The following FRMD3 variants were observed in gnomAD, a reference collection of about 807,000 sequenced individuals.
The protein encoded by FRMD3 is FERM domain containing 3.
Under a neutral mutation model 70.2 loss-of-function variants are expected in FRMD3, and 33 were observed. The ratio of observed to expected loss-of-function variants is 0.47; its 90% CI spans 0.36 to 0.63. The LOEUF (loss-of-function observed/expected upper bound fraction) is 0.63. Ranked by LOEUF, FRMD3 falls within the 20% of genes least tolerant of loss-of-function variation. FRMD3 has a pLI of 0.00. For missense variants in FRMD3, 632 were observed against 711.4 expected, an observed-to-expected ratio of 0.89 and a Z score of 1.27; for synonymous variants, 279 against 255.9, an observed-to-expected ratio of 1.09 and a Z score of -0.86.
At chr9:83,522,788 C>A (rs371459336) in intron 1 of FRMD3, among the ~76,000 whole-genome samples, 1 of 152,010 alleles carries the variant, frequency 6.6e-6, no homozygotes, top group South Asian at 2.1e-4. Context: ...TGATCTCGAT[C>A]TCCTGACCTC....
At chr9:83,451,122 A>C (rs1240155065) in intron 1 of FRMD3, among the ~76,000 whole-genome samples, 5 of 152,178 alleles carry the variant, frequency 3.3e-5, no homozygotes, top group African/African-American at 4.8e-5. Context: ...ATTTTTCATA[A>C]AGAGTTTTTC....
chr9:83,282,667 G>A (rs35921929), intron 13 of FRMD3, among the ~76,000 whole-genome samples: 5,522 of 152,166 alleles, frequency 0.036, 126 homozygotes, highest in Middle Eastern at 0.075. Flanking sequence ...CTGAAAGGTG[G>A]ATAGTCTTGT....
intron 13 of FRMD3, among the ~76,000 whole-genome samples, chr9:83,248,754 A>G (rs571051263): frequency 6.6e-6 from 1 of 152,316 alleles, no homozygotes; most frequent in East Asian, 1.9e-4. Context: ...CAATATTTAC[A>G]ACATTTAGGT....
In FRMD3 at chr9:83,538,144, G is replaced by C; in HGVS notation, c.88C>G (p.Gln30Glu). 1 of 1,613,608 alleles carries C rather than the reference G, an allele frequency of 6.2e-7. No homozygotes were observed. Among genetic ancestry groups the C allele is most frequent in the Non-Finnish European group, 8.5e-7 (1 of 1,179,794 alleles). Residue 30 changes from glutamine (Q) to glutamate (E), a missense_variant, in exon 1 of 14, where the codon CAG becomes GAG. Physicochemically the swap from Gln to Glu is conservative, Grantham distance 29. This residue lies in a region of FRMD3 where 208 missense variants were observed against 247.7 expected (regional missense o/e 0.84). Transcript: ENST00000304195. The surrounding 1 kb of genome is among the most constrained non-coding windows in gnomAD (Gnocchi z 4.7). ...FRSSSVKSLSQEMRCTIRLLD... is the reference protein window; with the variant it reads ...FRSSSVKSLSEEMRCTIRLLD... The stretch of plus-strand genomic sequence containing the variant: ...AGCCGGATGGTGCATCTCATCTCCT[G>C]GCTGAGCGATTTGACGCTGGAGCTC...
At chr9:83,563,686 A>C in the FRMD3 span, among the ~76,000 whole-genome samples, 1 of 152,180 alleles carries the variant, frequency 6.6e-6, no homozygotes, top group Non-Finnish European at 1.5e-5. Context: ...AGTCCTCTCC[A>C]GCTCACGTAG....
At chr9:83,415,692 C>T (rs902503712) in intron 1 of FRMD3, among the ~76,000 whole-genome samples, 12 of 147,126 alleles carry the variant, frequency 8.2e-5, no homozygotes, top group African/African-American at 2.5e-4. Flanking sequence ...GGTCTCCTGA[C>T]CTTGTGATCC....
chr9:83,432,118 C>A (rs1030591183), intron 1 of FRMD3, among the ~76,000 whole-genome samples: 1 of 152,172 alleles, frequency 6.6e-6, no homozygotes, highest in African/African-American at 2.4e-5. Context: ...CTGCCACACA[C>A]CTGGAAGCAA....
At chr9:83,394,185 C>T (rs1350211839) in intron 1 of FRMD3, among the ~76,000 whole-genome samples, 1 of 152,020 alleles carries the variant, frequency 6.6e-6, no homozygotes, top group African/African-American at 2.4e-5. Context: ...CGTTGGATTG[C>T]TGAACCCCCT....
In FRMD3 at chr9:83,453,967, G is replaced by A. The variant is rs574742134; in HGVS notation, c.148-64259C>T. Among the ~76,000 whole-genome samples, 10 of 151,978 alleles carry A rather than the reference G, an allele frequency of 6.6e-5. 1 individual carries two copies. The highest frequency in any genetic ancestry group is 1.9e-4 in the East Asian group (1 of 5,166). ...CCTGACCTCGTGATCCATCTGCCTCGGCCTACTAAAGTGCTGGGATTACAG... is the reference window on the plus strand; with the variant it reads ...CCTGACCTCGTGATCCATCTGCCTCAGCCTACTAAAGTGCTGGGATTACAG... On this transcript the variant is annotated intron_variant, in intron 1 of 13. Transcript: ENST00000304195.
At chr9:83,282,396 C>G (rs1834007716) in intron 13 of FRMD3, among the ~76,000 whole-genome samples, 1 of 152,180 alleles carries the variant, frequency 6.6e-6, no homozygotes, top group Admixed American at 6.5e-5. Flanking sequence ...ATAAGTGGTG[C>G]TGGGCCCGCC....
chr9:83,427,248 G>C (rs568958772), intron 1 of FRMD3, among the ~76,000 whole-genome samples: 12 of 152,314 alleles, frequency 7.9e-5, no homozygotes, highest in Non-Finnish European at 1.3e-4. Context: ...CCTGGGGTCT[G>C]TGGGTGAGGG....
upstream of FRMD3, among the ~76,000 whole-genome samples, chr9:83,542,229 C>A (rs1467187306): frequency 1.3e-5 from 2 of 152,148 alleles, no homozygotes; most frequent in Non-Finnish European, 2.9e-5. Context: ...AAAAAATATG[C>A]CTAACCAATG....
At chr9:83,440,367 A>G (rs527345644) in intron 1 of FRMD3, among the ~76,000 whole-genome samples, 1 of 152,330 alleles carries the variant, frequency 6.6e-6, no homozygotes, top group South Asian at 2.1e-4. Flanking sequence ...TCCAATGTCC[A>G]AAGAGAGTAA....
At chr9:83,579,514 C>T in the FRMD3 span, among the ~76,000 whole-genome samples, 1 of 151,924 alleles carries the variant, frequency 6.6e-6, no homozygotes, top group East Asian at 1.9e-4. Flanking sequence ...ACAAAGGTTC[C>T]AAGAACACAC....
At chr9:83,332,538 T>G (rs1414338252) in intron 6 of FRMD3, among the ~76,000 whole-genome samples, 3 of 152,092 alleles carry the variant, frequency 2.0e-5, no homozygotes, top group African/African-American at 4.8e-5. Flanking sequence ...GAATGGTGAC[T>G]TTTTTTCCTC....
At chr9:83,528,354 C>T (rs1587527572) in intron 1 of FRMD3, among the ~76,000 whole-genome samples, 1 of 152,110 alleles carries the variant, frequency 6.6e-6, no homozygotes, top group Non-Finnish European at 1.5e-5. Flanking sequence ...CCAAATATAA[C>T]ATACATATTT....
At chr9:83,354,450 T>C (rs1263886084) in intron 3 of FRMD3, among the ~76,000 whole-genome samples, 2 of 152,052 alleles carry the variant, frequency 1.3e-5, no homozygotes, top group South Asian at 2.1e-4. Flanking sequence ...GAGCGAAACA[T>C]TGGGTACTCA....
intron 1 of FRMD3, among the ~76,000 whole-genome samples, chr9:83,436,578 A>C (rs1353218164): frequency 6.6e-6 from 1 of 152,066 alleles, no homozygotes; most frequent in Non-Finnish European, 1.5e-5. Context: ...ATTCAAAAAA[A>C]AATGTTGCTT....
At chr9:83,385,612 C>A (rs1825489388) in intron 2 of FRMD3, among the ~76,000 whole-genome samples, 1 of 152,096 alleles carries the variant, frequency 6.6e-6, no homozygotes, top group Non-Finnish European at 1.5e-5. Flanking sequence ...AGGCAAACCA[C>A]CAGCCCCCAA....
Sources: allele counts gnomAD v4.1 joint callset (sites outside exome capture counted in the v4.1 genomes callset), GRCh38; gene constraint gnomAD v4.1.1; regional missense constraint gnomAD v4.1.1; non-coding constraint Gnocchi (gnomAD v3.1); transcripts MANE v1.5; gene names NCBI Gene and HGNC (gene_info 2026-07-23, HGNC 2026-07-21).